ACKR5: variants seen among roughly 807,000 people sequenced by gnomAD.
ACKR5 encodes the protein G protein-coupled receptor 182.
At chr12:56,998,817 G>C in the ACKR5 span, 1 of 152,540 alleles carries the variant, frequency 6.6e-6, no homozygotes, top group African/African-American at 2.4e-5. Context: ...ATTCATAGTA[G>C]GTAGGAAGAG....
At chr12:56,996,573 G>A in the ACKR5 span, 2 of 688,594 alleles carry the variant, frequency 2.9e-6, no homozygotes, top group Non-Finnish European at 2.4e-6. Flanking sequence ...GAGAGAGACA[G>A]GATCAGGAGC....
the ACKR5 span, chr12:56,995,906 C>T: frequency 1.2e-6 from 2 of 1,612,730 alleles, no homozygotes; most frequent in Non-Finnish European, 1.7e-6. This position sits in a 1 kb window ranked among gnomAD's most constrained non-coding sequence, Gnocchi z 4.7. Flanking sequence ...GCCCTTCCCT[C>T]TCATCACAGT....
At chr12:56,995,302 G>A in the ACKR5 span, 1 of 1,614,190 alleles carries the variant, frequency 6.2e-7, no homozygotes, top group Non-Finnish European at 8.5e-7. This position sits in a 1 kb window ranked among gnomAD's most constrained non-coding sequence, Gnocchi z 4.7. Flanking sequence ...ACTGGACCGA[G>A]CTGCTTGACC....
the ACKR5 span, chr12:56,996,586 T>TA: frequency 1.6e-6 from 1 of 637,150 alleles, no homozygotes; most frequent in Non-Finnish European, 2.7e-6. Flanking sequence ...TCAGGAGCGA[T>TA]AGAGAGCAGG....
the ACKR5 span, chr12:56,994,566 C>G: frequency 6.5e-6 from 1 of 153,248 alleles, no homozygotes; most frequent in African/African-American, 2.4e-5. Flanking sequence ...CAGCCAAGGG[C>G]CCCCCAGCCT....
the ACKR5 span, chr12:56,995,471 A>G: frequency 1.2e-6 from 2 of 1,614,170 alleles, no homozygotes; most frequent in South Asian, 2.2e-5. This position sits in a 1 kb window ranked among gnomAD's most constrained non-coding sequence, Gnocchi z 4.7. Context: ...GGCAGGGCTG[A>G]TGAACCTCTA....
At chr12:56,995,517 T>A in the ACKR5 span, 2 of 1,614,062 alleles carry the variant, frequency 1.2e-6, no homozygotes, top group Middle Eastern at 1.6e-4. This position sits in a 1 kb window ranked among gnomAD's most constrained non-coding sequence, Gnocchi z 4.7. Context: ...CTGGGCATTG[T>A]CCTGTCTCTG....
the ACKR5 span, chr12:56,998,841 A>G: frequency 6.5e-6 from 1 of 152,674 alleles, no homozygotes; most frequent in East Asian, 1.9e-4. Context: ...TCTCATTTCA[A>G]ATTTCTTTTT....
the ACKR5 span, chr12:56,998,725 A>T: frequency 2.0e-5 from 3 of 152,648 alleles, no homozygotes; most frequent in Non-Finnish European, 4.4e-5. Context: ...TGCTACCTGA[A>T]AGAATTCTGG....
chr12:56,995,510 G>A, the ACKR5 span: 17 of 1,614,062 alleles, frequency 1.1e-5, no homozygotes, highest in Non-Finnish European at 1.3e-5. The surrounding 1 kb of genome is among the most constrained non-coding windows in gnomAD (Gnocchi z 4.7). Flanking sequence ...CGCGGACCTG[G>A]GCATTGTCCT....
At chr12:56,998,476 CAA>C in the ACKR5 span, 1 of 152,274 alleles carries the variant, frequency 6.6e-6, no homozygotes, top group African/African-American at 2.4e-5. Flanking sequence ...TCGCTCCACT[CAA>C]AGACACACCA....
the ACKR5 span, chr12:56,995,812 G>A: frequency 3.9e-5 from 63 of 1,614,016 alleles, no homozygotes; most frequent in Non-Finnish European, 5.2e-5. This position sits in a 1 kb window ranked among gnomAD's most constrained non-coding sequence, Gnocchi z 4.7. Flanking sequence ...CTGAGCCCAT[G>A]TGCCTCTTCA....
chr12:56,996,613 A>G, the ACKR5 span: 1 of 550,842 alleles, frequency 1.8e-6, no homozygotes, highest in Non-Finnish European at 3.2e-6. Flanking sequence ...GTGTTGTACT[A>G]TTTGTCTCGG....
the ACKR5 span, chr12:56,995,972 C>T: frequency 9.9e-6 from 16 of 1,611,106 alleles, no homozygotes; most frequent in South Asian, 6.6e-5. The surrounding 1 kb of genome is among the most constrained non-coding windows in gnomAD (Gnocchi z 4.7). Flanking sequence ...CAAGAGCCGG[C>T]GCCACTGCCT....
At chr12:56,996,236 C>G in the ACKR5 span, 8 of 1,614,140 alleles carry the variant, frequency 5.0e-6, no homozygotes, top group Non-Finnish European at 4.2e-6. Flanking sequence ...TCCTAAGGAC[C>G]AGACCAAGGC....
chr12:56,994,714 G>A, the ACKR5 span: 1 of 161,694 alleles, frequency 6.2e-6, no homozygotes, highest in Non-Finnish European at 1.4e-5. Context: ...TATCCTGCAT[G>A]ATCCACAGGT....
chr12:56,995,858 G>A, the ACKR5 span: 1 of 1,613,166 alleles, frequency 6.2e-7, no homozygotes, highest in Non-Finnish European at 8.5e-7. The surrounding 1 kb of genome is among the most constrained non-coding windows in gnomAD (Gnocchi z 4.7). Context: ...CTGGGCCCTG[G>A]CGGTGGCCCT....
At chr12:56,995,944 G>A in the ACKR5 span, 1 of 1,612,392 alleles carries the variant, frequency 6.2e-7, no homozygotes, top group Non-Finnish European at 8.5e-7. This position sits in a 1 kb window ranked among gnomAD's most constrained non-coding sequence, Gnocchi z 4.7. Flanking sequence ...CCTGCCGGCT[G>A]CGGCAGCCAG....
At chr12:56,995,630 ATCT>A in the ACKR5 span, 5 of 1,613,982 alleles carry the variant, frequency 3.1e-6, no homozygotes, top group Non-Finnish European at 3.4e-6. The surrounding 1 kb of genome is among the most constrained non-coding windows in gnomAD (Gnocchi z 4.7). Flanking sequence ...GTATAGCAGC[ATCT>A]TCTTCCTGGT....
Sources: allele counts gnomAD v4.1 joint callset, GRCh38; gene constraint gnomAD v4.1.1; non-coding constraint Gnocchi (gnomAD v3.1); transcripts MANE v1.5; gene names NCBI Gene and HGNC (gene_info 2026-07-23, HGNC 2026-07-21).